Variants in C1orf21 observed in about 807,000 individuals in gnomAD.
C1orf21 encodes uncharacterized protein C1orf21.
In C1orf21, 3 loss-of-function variants were observed where a neutral mutation model predicts 18.7. That is an observed-to-expected ratio of 0.16 (90% confidence interval 0.07 to 0.42). The LOEUF (loss-of-function observed/expected upper bound fraction) is 0.42, where lower values mean the gene tolerates loss of function less well. Among genes scored for constraint, C1orf21 ranks in the 10% least tolerant of loss-of-function variants. C1orf21 has a pLI of 0.99. For synonymous variants in C1orf21, 41 were observed against 46.4 expected (o/e 0.88, Z 0.47); for missense variants, 104 against 143.6 (o/e 0.72, Z 1.41).
At chr1:184,470,604 T>C (rs13375073) in intron 1 of C1orf21, among the ~76,000 whole-genome samples, 24,212 of 152,090 alleles carry the variant, frequency 0.16, 2,172 homozygotes, top group African/African-American at 0.21. Flanking sequence ...GAAGGCCAGG[T>C]GTGGCGGCTC....
At chr1:184,427,890 G>A (rs1489556673) in intron 1 of C1orf21, among the ~76,000 whole-genome samples, 2 of 152,060 alleles carry the variant, frequency 1.3e-5, no homozygotes, top group African/African-American at 2.4e-5. Flanking sequence ...AGGTTTGAAC[G>A]ACTCTTAAGT....
intron 2 of C1orf21, among the ~76,000 whole-genome samples, chr1:184,486,068 C>T (rs1040812786): frequency 6.6e-6 from 1 of 152,142 alleles, no homozygotes; most frequent in Non-Finnish European, 1.5e-5. Context: ...CTTAATGGCT[C>T]GAAGTGCACA....
intron 3 of C1orf21, among the ~76,000 whole-genome samples, chr1:184,577,114 G>A (rs1477569908): frequency 1.3e-5 from 2 of 151,174 alleles, no homozygotes; most frequent in African/African-American, 4.9e-5. Context: ...TATGTTACAT[G>A]GTAAAAGAGA....
intron 4 of C1orf21, among the ~76,000 whole-genome samples, chr1:184,592,507 G>T (rs1183583780): frequency 6.6e-6 from 1 of 152,042 alleles, no homozygotes. Flanking sequence ...CTTTGAAGCC[G>T]TCCTCTCCTT....
chr1:184,524,134 T>C (rs536461916), intron 3 of C1orf21, among the ~76,000 whole-genome samples: 2 of 152,166 alleles, frequency 1.3e-5, no homozygotes, highest in South Asian at 4.1e-4. Flanking sequence ...TTCTAAAATG[T>C]GTTTATAAGC....
intron 1 of C1orf21, among the ~76,000 whole-genome samples, chr1:184,434,820 G>A (rs190963996): frequency 7.2e-4 from 110 of 152,324 alleles, no homozygotes; most frequent in African/African-American, 2.5e-3. Context: ...GGAGAATGGA[G>A]GGAATTCAGG....
intron 1 of C1orf21, among the ~76,000 whole-genome samples, chr1:184,419,539 C>T (rs1035576316): frequency 6.6e-6 from 1 of 152,028 alleles, no homozygotes; most frequent in African/African-American, 2.4e-5. Flanking sequence ...AATCTCAGCC[C>T]TCGAGGAGCA....
rs150252561 is a variant in C1orf21, at chr1:184,610,099, A to G, written c.328-9419A>G. On this transcript the variant is annotated intron_variant, in intron 5 of 5. Coordinates refer to ENST00000235307, the MANE Select transcript of C1orf21 (RefSeq NM_030806.4). ...TTCTGTTCTCTGGGGCAGGGCAGGC[A>G]AACTATGGCCCATAGGCCACATCCA... Among the ~76,000 whole-genome samples, 2 of 152,372 alleles carry G rather than the reference A, an allele frequency of 1.3e-5. 1 individual carries two copies. Among genetic ancestry groups the G allele is most frequent in the East Asian group, 3.9e-4 (2 of 5,190 alleles).
intron 2 of C1orf21, among the ~76,000 whole-genome samples, chr1:184,486,819 AG>A (rs1437073062): frequency 1.3e-5 from 2 of 152,230 alleles, no homozygotes; most frequent in African/African-American, 4.8e-5. Flanking sequence ...GCTGCCAGGC[AG>A]CTGGGTTGCA....
At position 184,535,039 on chromosome 1, in the gene C1orf21, G is replaced by A. The variant is rs113411681; in HGVS notation, c.189+27357G>A. 5.5e-3 allele frequency among the ~76,000 whole-genome samples: 822 copies of A among 150,064 alleles called. 5 individuals carry two copies. The highest frequency in any genetic ancestry group is 0.014 in the Middle Eastern group (4 of 282). The stretch of plus-strand genomic sequence containing the variant: ...GGTGCTAAAGGTAAGGTATTCTCGA[G>A]GCAACAAGGAGCTCTTGAAATTATT... On this transcript the variant is annotated intron_variant, in intron 3 of 5. Coordinates refer to ENST00000235307, the MANE Select transcript of C1orf21 (RefSeq NM_030806.4).
At chr1:184,459,650 G>A (rs1657271720) in intron 1 of C1orf21, among the ~76,000 whole-genome samples, 1 of 152,132 alleles carries the variant, frequency 6.6e-6, no homozygotes, top group Non-Finnish European at 1.5e-5. Context: ...TAGGAGTTGG[G>A]GGTAGATTAT....
chr1:184,519,284 A>T (rs1438912179), intron 3 of C1orf21, among the ~76,000 whole-genome samples: 1 of 152,196 alleles, frequency 6.6e-6, no homozygotes, highest in East Asian at 1.9e-4. Flanking sequence ...TGTCCAGTAA[A>T]GGATAGCATC....
chr1:184,530,186 G>A (rs1050134292), intron 3 of C1orf21, among the ~76,000 whole-genome samples: 5 of 152,040 alleles, frequency 3.3e-5, no homozygotes, highest in South Asian at 2.1e-4. Context: ...TCTTCTAGTC[G>A]TAACTAGTCT....
At chr1:184,417,924 C>T (rs964975908) in intron 1 of C1orf21, among the ~76,000 whole-genome samples, 1 of 152,182 alleles carries the variant, frequency 6.6e-6, no homozygotes, top group Non-Finnish European at 1.5e-5. Flanking sequence ...GTGGGGGCAG[C>T]AGAACTCTTT....
At chr1:184,504,920 A>G (rs1484049171) in intron 2 of C1orf21, among the ~76,000 whole-genome samples, 1 of 152,182 alleles carries the variant, frequency 6.6e-6, no homozygotes, top group Admixed American at 6.5e-5. Flanking sequence ...TTCTGTCTTG[A>G]TTTAAAAAAT....
At chr1:184,469,149 C>G (rs981516536) in intron 1 of C1orf21, among the ~76,000 whole-genome samples, 1 of 152,062 alleles carries the variant, frequency 6.6e-6, no homozygotes, top group Admixed American at 6.6e-5. Context: ...ACTCAGGAGG[C>G]TGAGGCACGA....
chr1:184,430,319 T>G (rs1174842481), intron 1 of C1orf21, among the ~76,000 whole-genome samples: 1 of 152,140 alleles, frequency 6.6e-6, no homozygotes, highest in African/African-American at 2.4e-5. Context: ...ATGTTTGATG[T>G]GCCAGTGACT....
At chr1:184,522,400 T>C (rs1019030277) in intron 3 of C1orf21, among the ~76,000 whole-genome samples, 2 of 152,058 alleles carry the variant, frequency 1.3e-5, no homozygotes, top group Non-Finnish European at 2.9e-5. Flanking sequence ...ATCCAGATCT[T>C]GTTTCTAATA....
chr1:184,554,430 A>G (rs1658851630), intron 3 of C1orf21, among the ~76,000 whole-genome samples: 1 of 152,342 alleles, frequency 6.6e-6, no homozygotes, highest in South Asian at 2.1e-4. Context: ...TAAAGAAACT[A>G]TTGGGTGGTT....
Sources: gnomAD v4.1 joint callset for allele counts (sites outside exome capture counted in the v4.1 genomes callset) on GRCh38, gnomAD v4.1.1 for gene constraint, MANE v1.5 for transcripts, NCBI Gene and HGNC (gene_info 2026-07-23, HGNC 2026-07-21) for gene names.